The following USO1 variants were observed in gnomAD, a reference collection of about 807,000 sequenced individuals.
USO1 encodes the protein general vesicular transport factor p115.
In USO1, 57 loss-of-function variants were observed where a neutral mutation model predicts 124.5. The observed-to-expected ratio is 0.46, with a 90% CI of 0.37 to 0.57. The LOEUF is 0.57. Ranked by LOEUF, USO1 falls within the 20% of genes least tolerant of loss-of-function variation. The pLI is 0.00. For missense variants in USO1, 900 were observed against 1,040.6 expected, an observed-to-expected ratio of 0.86 and a Z score of 1.86; for synonymous variants, 369 against 362.8, an observed-to-expected ratio of 1.02 and a Z score of -0.19.
rs551082661 is a variant in USO1, at chr4:75,725,017, C to T, written c.66+132C>T. The T allele has an allele frequency of 5.5e-5, 50 of 906,714 alleles. No homozygotes were observed. In the East Asian group the frequency reaches 1.1e-3, roughly 20 times the overall value. The allele number at this position is 906,714 out of a possible 1,614,324, so 56.2% of individuals were successfully genotyped here. On this transcript the variant is annotated intron_variant, in intron 1 of 23. Transcript: ENST00000514213. ...CATCCACATGCCGCCTCCCCCTTTGCCCTCCTTCCGCTCCTGAAATCCCAG... is the reference window on the plus strand; with the variant it reads ...CATCCACATGCCGCCTCCCCCTTTGTCCTCCTTCCGCTCCTGAAATCCCAG...
intron 1 of USO1, chr4:75,744,825 G>T: frequency 2.6e-6 from 1 of 385,162 alleles, no homozygotes; most frequent in Non-Finnish European, 5.2e-6. Context: ...CCCCATGAAT[G>T]GACATTAAGA....
rs17000789 is a variant in USO1, at chr4:75,742,604, T to C, written c.67-9769T>C. 5.9e-3 allele frequency among the ~76,000 whole-genome samples: 904 copies of C among 152,346 alleles called. 14 individuals are homozygous for C. Among genetic ancestry groups the C allele is most frequent in the African/African-American group, 0.021 (857 of 41,578 alleles). On this transcript the variant is annotated intron_variant, in intron 1 of 23. Coordinates refer to ENST00000514213, the MANE Select transcript of USO1 (RefSeq NM_003715.4). ...GTTACTTGTTTCAAGTACAGAATGG[T>C]TGAAATGTGTGCCTTGGTAGTATGC...
At chr4:75,770,762 A>G in intron 5 of USO1, 60 bp from the exon 6 acceptor site, 3 of 1,574,154 alleles carry the variant, frequency 1.9e-6, no homozygotes, top group Non-Finnish European at 2.6e-6. Flanking sequence ...TAGTGGAAAA[A>G]ATGTTTTTCT....
Position 75,734,685 on chromosome 4 carries a change from C to T in USO1, c.66+9800C>T, listed in dbSNP as rs138343081. 8.2e-3 allele frequency among the ~76,000 whole-genome samples: 989 copies of T among 121,310 alleles called. 9 individuals are homozygous for T. Among genetic ancestry groups the T allele is most frequent in the Non-Finnish European group, 0.01 (630 of 61,334 alleles). The allele number at this position is 121,310 out of a possible 152,430, so 79.6% of individuals were successfully genotyped here. On this transcript the variant is annotated intron_variant, in intron 1 of 23. Transcript: ENST00000514213. ...GACATTGGTAGTTTGATAGGAATAG[C>T]GTTGAATCTGTAGATTGCTTTGGGC...
chr4:75,783,001 G>A, intron 9 of USO1, 143 bp downstream of exon 9: 3 of 1,168,602 alleles, frequency 2.6e-6, no homozygotes, highest in East Asian at 2.9e-5. Flanking sequence ...GAAATTTGCA[G>A]TTATCCTCTA....
In USO1 at chr4:75,752,526, T is replaced by A. The variant is rs1052527117; in HGVS notation, c.154-14T>A. The A allele has an allele frequency of 1.0e-5, 4 of 398,406 alleles. No individual in the cohort carries two copies. Among genetic ancestry groups the A allele is most frequent in the Non-Finnish European group, 1.8e-5 (4 of 226,038 alleles). The allele number at this position is 398,406 out of a possible 1,614,324, so 24.7% of individuals were successfully genotyped here. Reference sequence around the variant, plus strand: ...ATTAGTTACTTTAGTAACATTTTTATTTTTTATGTGCAGAAATACCGCTTG... The same window carrying A: ...ATTAGTTACTTTAGTAACATTTTTAATTTTTATGTGCAGAAATACCGCTTG... On this transcript the variant is annotated splice_polypyrimidine_tract_variant and intron_variant, in intron 2 of 23. Coordinates refer to ENST00000514213, the MANE Select transcript of USO1 (RefSeq NM_003715.4).
intron 5 of USO1, 122 bp downstream of exon 5, chr4:75,770,661 A>G: frequency 6.9e-7 from 1 of 1,458,136 alleles, no homozygotes; most frequent in Non-Finnish European, 9.1e-7. Flanking sequence ...GTATTATAGC[A>G]AGAGATCCAC....
chr4:75,726,127 C>T (rs998309570), intron 1 of USO1, among the ~76,000 whole-genome samples: 1 of 152,064 alleles, frequency 6.6e-6, no homozygotes. Context: ...ACTAAAAATA[C>T]AGAATTAGCC....
intron 13 of USO1, among the ~76,000 whole-genome samples, chr4:75,794,898 T>G (rs755895700): frequency 6.6e-6 from 1 of 152,216 alleles, no homozygotes; most frequent in Non-Finnish European, 1.5e-5. Context: ...CACTTATCTC[T>G]TAGAGATTAA....
At chr4:75,807,270 C>G (rs1438391396) in intron 20 of USO1, among the ~76,000 whole-genome samples, 1 of 152,010 alleles carries the variant, frequency 6.6e-6, no homozygotes, top group African/African-American at 2.4e-5. Context: ...AGTATATTAT[C>G]CCTAAACAGG....
chr4:75,744,278 C>T (rs888128950), intron 1 of USO1, among the ~76,000 whole-genome samples: 2 of 152,166 alleles, frequency 1.3e-5, no homozygotes, highest in African/African-American at 4.8e-5. Context: ...CTCAGGGTTA[C>T]CACAATAAAT....
rs1259908098 is a variant in USO1 at position 75,765,465 on chromosome 4, G to A, written c.296-4974G>A. Among the ~76,000 whole-genome samples the A allele has an allele frequency of 2.0e-5, 3 of 152,102 alleles. 1 individual carries two copies. The highest frequency in any genetic ancestry group is 4.4e-5 in the Non-Finnish European group (3 of 68,016). On this transcript the variant is annotated intron_variant, in intron 4 of 23. Transcript: ENST00000514213. ...AACATTTACCATACTGTGGGAATCA[G>A]GACTTCTGTTCATAGCTGATTCTAA...
intron 1 of USO1, chr4:75,745,057 TCA>T (rs1489239354): frequency 2.9e-6 from 1 of 345,498 alleles, no homozygotes; most frequent in African/African-American, 2.2e-5. Flanking sequence ...CCCACTGCCA[TCA>T]CATTAATGCC....
At chr4:75,810,699 CAAATGA>C (rs1723122857) in intron 22 of USO1, among the ~76,000 whole-genome samples, 160 bp downstream of exon 22, 2 of 152,088 alleles carry the variant, frequency 1.3e-5, no homozygotes, top group Non-Finnish European at 2.9e-5. Flanking sequence ...TAAGATGGCA[CAAATGA>C]AAATTTTTTT....
At position 75,770,833 on chromosome 4, in the gene USO1, C is replaced by T. The variant is rs746598688; in HGVS notation, c.408C>T (p.Phe136=). The T allele has an allele frequency of 3.1e-6, 5 of 1,608,290 alleles. No homozygotes were observed. The South Asian group carries it at 4.5e-5, about 14-fold the overall frequency. The change falls in exon 6 of 24, where the codon TTC becomes TTT. Residue 136 remains phenylalanine (F), a synonymous_variant. Coordinates refer to ENST00000514213, the MANE Select transcript of USO1 (RefSeq NM_003715.4). ...LLLSLLEEFD[F]HVRWPGVKLL... ...TTCTTACATTGCAGGAGTTTGATTT[C>T]CATGTCCGCTGGCCTGGTGTGAAGC...
intron 3 of USO1, among the ~76,000 whole-genome samples, chr4:75,754,009 G>T (rs1346779353): frequency 6.6e-6 from 1 of 151,254 alleles, no homozygotes; most frequent in African/African-American, 2.4e-5. Flanking sequence ...GGATGGTCTC[G>T]ATCTCCTGAT....
intron 1 of USO1, among the ~76,000 whole-genome samples, chr4:75,747,606 T>C (rs1721162357): frequency 7.5e-6 from 1 of 132,940 alleles, no homozygotes; most frequent in Non-Finnish European, 1.6e-5. Flanking sequence ...CTTTGACTTT[T>C]TTTTTTTTTT....
chr4:75,745,869 C>G (rs920974090), intron 1 of USO1, among the ~76,000 whole-genome samples: 2 of 151,732 alleles, frequency 1.3e-5, no homozygotes, highest in African/African-American at 4.8e-5. Context: ...CACTGCACTC[C>G]AGCCTAGGCG....
In USO1 at chr4:75,770,882, C is replaced by G. The variant is rs773569645; in HGVS notation, c.457C>G (p.Leu153Val). The G allele has an allele frequency of 1.2e-5, 20 of 1,613,758 alleles. No homozygotes were observed. Among genetic ancestry groups the G allele is most frequent in the Non-Finnish European group, 1.7e-5 (20 of 1,179,808 alleles). ...GCTTCTTACTTCTCTTTTAAAACAACTAGGGCCTCAGGTGCAACAAATTAT... is the reference window on the plus strand; with the variant it reads ...GCTTCTTACTTCTCTTTTAAAACAAGTAGGGCCTCAGGTGCAACAAATTAT... ...VKLLTSLLKQLGPQVQQIILV... is the reference protein window; with the variant it reads ...VKLLTSLLKQVGPQVQQIILV... Residue 153 changes from leucine to valine, a missense_variant, in exon 6 of 24, where the codon CTA becomes GTA. Coordinates refer to ENST00000514213, the MANE Select transcript of USO1 (RefSeq NM_003715.4).
Sources: allele counts gnomAD v4.1 joint callset (sites outside exome capture counted in the v4.1 genomes callset), GRCh38; gene constraint gnomAD v4.1.1; transcripts MANE v1.5; gene names NCBI Gene and HGNC (gene_info 2026-07-23, HGNC 2026-07-21).